MYH15: variants seen among roughly 807,000 people sequenced by gnomAD.
The protein encoded by MYH15 is myosin-15.
A neutral mutation model predicts 240.5 loss-of-function variants in MYH15; 227 were observed. The observed-to-expected ratio is 0.94, with a 90% CI of 0.85 to 1.05. The LOEUF is 1.05. Among genes scored for constraint, MYH15 ranks in the 50% least tolerant of loss-of-function variants. The pLI is 0.00. For missense variants in MYH15, 2,217 were observed against 2,247.5 expected (o/e 0.99, Z 0.27); for synonymous variants, 785 against 796.7 (o/e 0.99, Z 0.25).
intron 3 of MYH15, 144 bp from the exon 4 acceptor site, chr3:108,500,418 G>A: frequency 1.2e-6 from 1 of 845,892 alleles, no homozygotes; most frequent in Non-Finnish European, 1.8e-6. Flanking sequence ...GTAGAGAAGG[G>A]ACTTCTAACA....
Position 108,441,093 on chromosome 3 carries a change from C to G in MYH15, c.2823G>C (p.Glu941Asp). 1 of 1,614,194 alleles carries G rather than the reference C, an allele frequency of 6.2e-7. No homozygotes were observed. The highest frequency in any genetic ancestry group is 8.5e-7 in the Non-Finnish European group (1 of 1,180,018). The change falls in exon 23 of 41, where the codon GAG (glutamate) becomes GAC (aspartate). Residue 941 changes from glutamate to aspartate, a missense_variant. Glu to Asp is a conservative substitution (Grantham distance 45). Transcript: ENST00000693548. ...CCAGGTCATCGATTTCTTTCTTCAA[C>G]TCAAAACATTCATCTTCGAGTTTCC... Reference protein sequence around the residue: ...RGRKLEDECFELKKEIDDLET... With the variant: ...RGRKLEDECFDLKKEIDDLET...
intron 32 of MYH15, among the ~76,000 whole-genome samples, chr3:108,406,542 T>C (rs1475632147): frequency 1.3e-5 from 2 of 152,212 alleles, no homozygotes; most frequent in African/African-American, 4.8e-5. Context: ...AAGAGGAAAC[T>C]GTCACCTCTA....
intron 40 of MYH15, among the ~76,000 whole-genome samples, 199 bp from the exon 41 acceptor site, chr3:108,381,758 T>G (rs2082345062): frequency 6.6e-6 from 1 of 152,184 alleles, no homozygotes; most frequent in Non-Finnish European, 1.5e-5. Context: ...CCCAAGGGCA[T>G]GCTCGGTCAC....
At position 108,454,649 on chromosome 3, in the gene MYH15, C is replaced by T. The variant is rs115881034; in HGVS notation, c.2263-507G>A. On this transcript the variant is annotated intron_variant, in intron 20 of 40. Coordinates refer to ENST00000693548, the MANE Select transcript of MYH15 (RefSeq NM_014981.3). The stretch of plus-strand genomic sequence containing the variant: ...TTAAAAAAACAGTCCATGGACATGG[C>T]TCTTGGGCCATAGTTTGCTGACCTC... Among the ~76,000 whole-genome samples the T allele has an allele frequency of 7.7e-3, 1,175 of 152,244 alleles. 13 individuals are homozygous for T. The highest frequency in any genetic ancestry group is 0.027 in the African/African-American group (1,113 of 41,538).
At chr3:108,479,093 T>C (rs1216889382) in intron 11 of MYH15, among the ~76,000 whole-genome samples, 1 of 152,210 alleles carries the variant, frequency 6.6e-6, no homozygotes, top group African/African-American at 2.4e-5. Context: ...ACTAAATGTT[T>C]ACAGTTTGCA....
intron 15 of MYH15, among the ~76,000 whole-genome samples, chr3:108,463,543 G>T (rs6781698): frequency 1.3e-5 from 2 of 151,722 alleles, no homozygotes; most frequent in African/African-American, 4.8e-5. Context: ...CATGTTGCTC[G>T]GTTTGGTCTC....
chr3:108,492,673 G>A (rs1051167665), intron 8 of MYH15, 78 bp from the exon 9 acceptor site: 19 of 1,029,320 alleles, frequency 1.8e-5, no homozygotes, highest in South Asian at 4.3e-5. Context: ...CAGGCTGAGC[G>A]CAGTGGCTCA....
At chr3:108,407,711 T>C (rs974516449) in intron 32 of MYH15, among the ~76,000 whole-genome samples, 1 of 152,124 alleles carries the variant, frequency 6.6e-6, no homozygotes, top group Non-Finnish European at 1.5e-5. Context: ...GGAAAAAAAA[T>C]TGAAAAGCTT....
At chr3:108,458,923 C>A (rs971293759) in intron 18 of MYH15, among the ~76,000 whole-genome samples, 8 of 152,050 alleles carry the variant, frequency 5.3e-5, no homozygotes, top group Non-Finnish European at 2.9e-5. Context: ...GTGTTCTCAA[C>A]AATTAGAAAT....
intron 1 of MYH15, among the ~76,000 whole-genome samples, chr3:108,519,611 T>C (rs1002268903): frequency 6.6e-6 from 1 of 152,206 alleles, no homozygotes; most frequent in African/African-American, 2.4e-5. Flanking sequence ...GGCTATACTT[T>C]TGTGCTTCAG....
chr3:108,462,950 G>A (rs2083083465), intron 16 of MYH15, among the ~76,000 whole-genome samples, 161 bp downstream of exon 16: 1 of 152,084 alleles, frequency 6.6e-6, no homozygotes, highest in Non-Finnish European at 1.5e-5. Context: ...TCTCCCTGAA[G>A]AACCCCCAGC....
intron 27 of MYH15, among the ~76,000 whole-genome samples, chr3:108,422,946 T>C (rs1257002053): frequency 2.0e-5 from 3 of 152,222 alleles, no homozygotes; most frequent in East Asian, 3.9e-4. Context: ...GATTGCTTCC[T>C]TCATGCTATG....
chr3:108,462,502 G>C (rs148433362), intron 16 of MYH15, among the ~76,000 whole-genome samples: 258 of 152,178 alleles, frequency 1.7e-3, no homozygotes, highest in Non-Finnish European at 3.0e-3. Flanking sequence ...CATGGCAAAG[G>C]CTAGGTGGAA....
At chr3:108,404,542 C>A (rs2107544396) in intron 33 of MYH15, among the ~76,000 whole-genome samples, 1 of 152,334 alleles carries the variant, frequency 6.6e-6, no homozygotes, top group African/African-American at 2.4e-5. Flanking sequence ...TCACCACCTT[C>A]TGTGACATGT....
chr3:108,486,569 G>T, intron 9 of MYH15, 43 bp from the exon 10 acceptor site: 1 of 1,341,004 alleles, frequency 7.5e-7, no homozygotes, highest in Non-Finnish European at 1.1e-6. Context: ...AAAGAAATCT[G>T]CAAGGCCTTA....
chr3:108,473,861 G>C (rs2083197188), intron 12 of MYH15, among the ~76,000 whole-genome samples: 1 of 152,120 alleles, frequency 6.6e-6, no homozygotes, highest in Admixed American at 6.5e-5. Flanking sequence ...AATGCAAGTG[G>C]CATTTTCTGG....
chr3:108,537,633 T>C, the MYH15 span, among the ~76,000 whole-genome samples: 1 of 152,200 alleles, frequency 6.6e-6, no homozygotes. Flanking sequence ...CTGAACCTGT[T>C]GGCACTTTGA....
At chr3:108,444,526 T>A in intron 22 of MYH15, 114 bp downstream of exon 22, 1 of 1,198,408 alleles carries the variant, frequency 8.3e-7, no homozygotes, top group Non-Finnish European at 1.2e-6. Flanking sequence ...TAAAATCCTT[T>A]GGTATTTGAA....
At chr3:108,461,323 G>T (rs1212231494) in intron 16 of MYH15, among the ~76,000 whole-genome samples, 8 of 152,090 alleles carry the variant, frequency 5.3e-5, no homozygotes, top group Non-Finnish European at 1.0e-4. Flanking sequence ...TATGAAAAGG[G>T]AATAACACTA....
Sources: allele counts gnomAD v4.1 joint callset (sites outside exome capture counted in the v4.1 genomes callset), GRCh38; gene constraint gnomAD v4.1.1; transcripts MANE v1.5; gene names NCBI Gene and HGNC (gene_info 2026-07-23, HGNC 2026-07-21).